Variants in GALNT13 observed in about 807,000 individuals in gnomAD.
The protein encoded by GALNT13 is polypeptide N-acetylgalactosaminyltransferase 13.
In GALNT13, 28 loss-of-function variants were observed where a neutral mutation model predicts 64.2. The observed-to-expected ratio is 0.44, with a 90% confidence interval of 0.32 to 0.60. The LOEUF (loss-of-function observed/expected upper bound fraction) is 0.60. GALNT13 is among the 20% of genes least tolerant of loss of function. The pLI is 0.05. For synonymous variants in GALNT13, 214 were observed against 224.6 expected, an observed-to-expected ratio of 0.95 and a Z score of 0.42; for missense variants, 577 against 669.8, an observed-to-expected ratio of 0.86 and a Z score of 1.53.
At chr2:153,141,030 T>C in the GALNT13 span, among the ~76,000 whole-genome samples, 2 of 148,268 alleles carry the variant, frequency 1.3e-5, no homozygotes, top group African/African-American at 4.9e-5. Flanking sequence ...TCTACCACTC[T>C]GTCCATCCCC....
the GALNT13 span, among the ~76,000 whole-genome samples, chr2:153,368,530 A>G: frequency 1.3e-5 from 2 of 152,150 alleles, no homozygotes; most frequent in Admixed American, 6.6e-5. Context: ...AGGTATATTA[A>G]CATTGGACAA....
the GALNT13 span, among the ~76,000 whole-genome samples, chr2:153,859,334 T>C: frequency 6.6e-6 from 1 of 152,216 alleles, no homozygotes; most frequent in Non-Finnish European, 1.5e-5. Context: ...ACACACAATC[T>C]GTATCTACAG....
the GALNT13 span, among the ~76,000 whole-genome samples, chr2:153,553,637 A>AT: frequency 6.6e-6 from 1 of 152,244 alleles, no homozygotes; most frequent in African/African-American, 2.4e-5. Flanking sequence ...GAGTTTAAAG[A>AT]TATAAAATTA....
chr2:153,728,954 T>C, the GALNT13 span, among the ~76,000 whole-genome samples: 1 of 152,166 alleles, frequency 6.6e-6, no homozygotes, highest in African/African-American at 2.4e-5. Flanking sequence ...GTCAAATCCC[T>C]GAATAGACCA....
At chr2:153,349,464 A>C in the GALNT13 span, among the ~76,000 whole-genome samples, 91,352 of 152,018 alleles carry the variant, frequency 0.6, 28,388 homozygotes, top group Middle Eastern at 0.72. Context: ...CTATGGCTTC[A>C]ATAGACAAAG....
the GALNT13 span, among the ~76,000 whole-genome samples, chr2:153,772,081 C>G: frequency 6.6e-6 from 1 of 152,140 alleles, no homozygotes. Context: ...CTGGAGAGAG[C>G]TGATTCCAGT....
the GALNT13 span, among the ~76,000 whole-genome samples, chr2:153,484,842 G>A: frequency 6.6e-6 from 1 of 152,144 alleles, no homozygotes; most frequent in Non-Finnish European, 1.5e-5. Flanking sequence ...GGGGATGGGG[G>A]ATAACTGGTT....
the GALNT13 span, among the ~76,000 whole-genome samples, chr2:153,825,993 G>A: frequency 6.6e-6 from 1 of 151,986 alleles, no homozygotes; most frequent in Admixed American, 6.6e-5. Flanking sequence ...ATTTTCTCTA[G>A]AACATGTCTA....
intron 3 of GALNT13, among the ~76,000 whole-genome samples, chr2:154,050,888 A>G (rs1481477671): frequency 6.6e-6 from 1 of 152,252 alleles, no homozygotes; most frequent in East Asian, 1.9e-4. Context: ...GGATTAAAAG[A>G]AATTAACCAC....
chr2:153,961,442 A>G (rs1692936613), intron 3 of GALNT13, among the ~76,000 whole-genome samples: 1 of 151,754 alleles, frequency 6.6e-6, no homozygotes, highest in African/African-American at 2.4e-5. Context: ...TATCAGGCAG[A>G]TATTTTCATT....
intron 3 of GALNT13, among the ~76,000 whole-genome samples, chr2:154,099,477 C>T (rs917542227): frequency 1.8e-4 from 27 of 152,162 alleles, no homozygotes; most frequent in African/African-American, 5.5e-4. Flanking sequence ...AGGTCTTCAT[C>T]GTAAATTATT....
chr2:154,088,237 C>T (rs1701630264), intron 3 of GALNT13, among the ~76,000 whole-genome samples: 1 of 152,032 alleles, frequency 6.6e-6, no homozygotes, highest in African/African-American at 2.4e-5. Context: ...ATTCTTTTCT[C>T]TTGTTTTATC....
rs2166154 is a variant in GALNT13, at chr2:153,907,500, G to T, written c.-105+6493G>T. 5.9e-5 allele frequency among the ~76,000 whole-genome samples: 9 copies of T among 151,614 alleles called. No individual in the cohort carries two copies. In the South Asian group the frequency reaches 8.3e-4, roughly 14 times the overall value. ...TTGTTGTACAGATTATTTTGTCACT[G>T]GAATACTAAGCCTCGTACCTAATGG... On this transcript the variant is annotated intron_variant, in intron 2 of 12. Transcript: ENST00000392825.
rs1698861931 is a variant in GALNT13, at chr2:154,039,550, T to TA, written c.142+94918dup. Among the ~76,000 whole-genome samples, 3 of 139,074 alleles carry TA rather than the reference T, an allele frequency of 2.2e-5. 1 individual carries two copies. The highest frequency in any genetic ancestry group is 1.5e-4 in the Admixed American group (2 of 13,772). The allele number at this position is 139,074 out of a possible 152,430, so 91.2% of individuals were successfully genotyped here. A position where few individuals can be genotyped will look rare whatever the true frequency, so the allele number is the denominator to read the frequency against. On this transcript the variant is annotated intron_variant, in intron 3 of 12. Transcript: ENST00000392825. ...TGCATGTTCTCACTCAAGTGGAAGC[T>TA]AAAAAAACAAAAATGAGTTTATAGA...
At chr2:154,313,888 C>T (rs965877761) in intron 9 of GALNT13, among the ~76,000 whole-genome samples, 8 of 151,950 alleles carry the variant, frequency 5.3e-5, no homozygotes, top group African/African-American at 1.7e-4. Context: ...TTTGTATATG[C>T]AACCAATACA....
the GALNT13 span, among the ~76,000 whole-genome samples, chr2:153,258,715 C>T: frequency 2.0e-5 from 3 of 152,086 alleles, no homozygotes; most frequent in South Asian, 4.1e-4. Flanking sequence ...TCTTCATTGA[C>T]CCACTGGTCA....
At chr2:153,137,592 T>C in the GALNT13 span, among the ~76,000 whole-genome samples, 2 of 152,088 alleles carry the variant, frequency 1.3e-5, no homozygotes, top group African/African-American at 2.4e-5. Context: ...CTATTGTACC[T>C]GGATAAATTA....
chr2:154,062,009 T>C (rs1276562033), intron 3 of GALNT13, among the ~76,000 whole-genome samples: 1 of 152,232 alleles, frequency 6.6e-6, no homozygotes, highest in Non-Finnish European at 1.5e-5. Flanking sequence ...ACTTTCATTT[T>C]TTTTAACTTT....
At chr2:154,007,849 AT>A (rs1261605242) in intron 3 of GALNT13, among the ~76,000 whole-genome samples, 2 of 151,916 alleles carry the variant, frequency 1.3e-5, no homozygotes, top group African/African-American at 4.8e-5. Context: ...GTTTCCATAT[AT>A]AGTCTTAGGT....
Sources: gnomAD v4.1 joint callset for allele counts (sites outside exome capture counted in the v4.1 genomes callset) on GRCh38, gnomAD v4.1.1 for gene constraint, MANE v1.5 for transcripts, NCBI Gene and HGNC (gene_info 2026-07-23, HGNC 2026-07-21) for gene names.